Variants in FCSK observed in about 807,000 individuals in gnomAD.
The protein encoded by FCSK is L-fucose kinase.
A neutral mutation model predicts 122.5 loss-of-function variants in FCSK; 123 were observed. The ratio of observed to expected loss-of-function variants is 1.00; its 90% CI spans 0.87 to 1.17. FCSK has a LOEUF of 1.17. Among genes scored for constraint, FCSK ranks in the 50% most tolerant of loss-of-function variants. The probability of loss-of-function intolerance (pLI) is 0.00; values close to 1 mark genes in which losing one functional copy is unlikely to be tolerated. For synonymous variants in FCSK, 620 were observed against 625.5 expected (o/e 0.99, Z 0.13); for missense variants, 1,366 against 1,450.4 (o/e 0.94, Z 0.95).
intron 1 of FCSK, among the ~76,000 whole-genome samples, chr16:70,456,371 G>A (rs994120161): frequency 6.6e-6 from 1 of 152,196 alleles, no homozygotes; most frequent in Admixed American, 6.5e-5. Context: ...ACACTGATGT[G>A]CCTTTGCCAT....
chr16:70,459,138 G>C (rs1358842182), intron 1 of FCSK, among the ~76,000 whole-genome samples: 1 of 151,266 alleles, frequency 6.6e-6, no homozygotes, highest in Middle Eastern at 3.4e-3. Flanking sequence ...TAGCAGGATT[G>C]CTTGGGCCTG....
At chr16:70,459,266 C>T (rs1488269741) in intron 1 of FCSK, among the ~76,000 whole-genome samples, 3 of 151,282 alleles carry the variant, frequency 2.0e-5, no homozygotes, top group African/African-American at 4.9e-5. Flanking sequence ...AAAAAGAGGC[C>T]GGGCATGGTG....
intron 3 of FCSK, 98 bp downstream of exon 3, chr16:70,463,872 A>T (rs1597609234): frequency 4.6e-6 from 6 of 1,301,044 alleles, no homozygotes; most frequent in South Asian, 4.3e-5. Flanking sequence ...GCCTTGGCCA[A>T]CTCAGCATTG....
At chr16:70,470,517 C>G in intron 11 of FCSK, 91 bp downstream of exon 11, 1 of 797,626 alleles carries the variant, frequency 1.3e-6, no homozygotes, top group Non-Finnish European at 2.1e-6. Flanking sequence ...GCACTTGGAA[C>G]AGATGACCCG....
chr16:70,472,301 G>A (rs2048650645), intron 13 of FCSK, among the ~76,000 whole-genome samples: 1 of 152,180 alleles, frequency 6.6e-6, no homozygotes, highest in Admixed American at 6.5e-5. Context: ...TCCATGGCTG[G>A]GTGTAGTGGC....
At chr16:70,472,722 C>T in intron 14 of FCSK, 117 bp downstream of exon 14, 1 of 930,486 alleles carries the variant, frequency 1.1e-6, no homozygotes, top group Non-Finnish European at 1.6e-6. Flanking sequence ...CATCCAGGGG[C>T]CTGGGTGGTT....
At chr16:70,457,814 C>G (rs1321634774) in intron 1 of FCSK, 1 of 148,554 alleles carries the variant, frequency 6.7e-6, no homozygotes, top group African/African-American at 2.5e-5. Context: ...TCAGGCTGGT[C>G]TCAAACTCCT....
At chr16:70,463,004 G>A (rs550888497) in intron 1 of FCSK, among the ~76,000 whole-genome samples, 165 bp from the exon 2 acceptor site, 3 of 152,336 alleles carry the variant, frequency 2.0e-5, no homozygotes, top group East Asian at 1.9e-4. Flanking sequence ...TTGTCAGGGC[G>A]TAGGCGGGGA....
At chr16:70,475,210 C>T in intron 18 of FCSK, 140 bp from the exon 19 acceptor site, 4 of 1,087,626 alleles carry the variant, frequency 3.7e-6, no homozygotes, top group Non-Finnish European at 5.2e-6. Flanking sequence ...CCTTTTGTGG[C>T]TTGGGGATGG....
intron 18 of FCSK, 82 bp from the exon 19 acceptor site, chr16:70,475,268 T>G: frequency 6.6e-7 from 1 of 1,526,252 alleles, no homozygotes; most frequent in South Asian, 1.2e-5. Flanking sequence ...AGTCCCGCAC[T>G]GGGCTGGGAA....
At chr16:70,460,104 C>CTT (rs564125150) in intron 1 of FCSK, among the ~76,000 whole-genome samples, 3,794 of 126,390 alleles carry the variant, frequency 0.03, 265 homozygotes, top group African/African-American at 0.11. Flanking sequence ...CGTCTAGCCT[C>CTT]TTTTTTTTTT....
chr16:70,472,479 C>T (rs1040780950), intron 13 of FCSK, 62 bp from the exon 14 acceptor site: 13 of 1,373,462 alleles, frequency 9.5e-6, no homozygotes, highest in African/African-American at 5.8e-5. Flanking sequence ...GCCCCCTGGC[C>T]GAGTGTCTCT....
rs371941048 is a variant in FCSK, at chr16:70,467,323, C to T, written c.485-51C>T. 170 of 1,338,610 alleles carry T rather than the reference C, an allele frequency of 1.3e-4. No homozygotes were observed. In the African/African-American group the frequency reaches 1.9e-3, roughly 15 times the overall value. 82.9% of individuals were successfully genotyped at this position (1,338,610 alleles called of 1,614,324 possible). A position where few individuals can be genotyped will look rare whatever the true frequency, so the allele number is the denominator to read the frequency against. ...CTTGCTTCCACCTGGTGGGGAAATC[C>T]GTGCCTTGGGTGGAGGCCCCTGGGA... On this transcript the variant is annotated intron_variant, in intron 6 of 23. Coordinates refer to ENST00000288078, the MANE Select transcript of FCSK (RefSeq NM_145059.3).
chr16:70,462,851 G>T (rs1211547289), intron 1 of FCSK, among the ~76,000 whole-genome samples: 4 of 151,726 alleles, frequency 2.6e-5, no homozygotes, highest in Admixed American at 6.6e-5. Flanking sequence ...CACCATGTTG[G>T]CCAGGCTGGT....
intron 1 of FCSK, chr16:70,462,119 C>A (rs982585119): frequency 6.6e-6 from 1 of 152,210 alleles, no homozygotes; most frequent in African/African-American, 2.4e-5. Context: ...AAGCTAATCT[C>A]AAAAGATTAT....
At chr16:70,470,720 GC>G (rs2048585747) in intron 11 of FCSK, among the ~76,000 whole-genome samples, 1 of 152,190 alleles carries the variant, frequency 6.6e-6, no homozygotes, top group Non-Finnish European at 1.5e-5. Context: ...TCAGTGCCGT[GC>G]TGCTGAGGAA....
chr16:70,479,466 C>T, intron 23 of FCSK, 63 bp downstream of exon 23: 2 of 1,504,636 alleles, frequency 1.3e-6, no homozygotes, highest in Admixed American at 3.8e-5. Flanking sequence ...CTGTGGCCCA[C>T]CAGTTAACCA....
At chr16:70,477,952 T>C in intron 20 of FCSK, 1 of 277,268 alleles carries the variant, frequency 3.6e-6, no homozygotes. Flanking sequence ...CAAAGTGCTG[T>C]GATTACAGGC....
At position 70,474,894 on chromosome 16, in the gene FCSK, C is replaced by T. The variant is rs750892267; in HGVS notation, c.2260C>T (p.Arg754Cys). Residue 754 changes from arginine (R) to cysteine (C), a missense_variant, in exon 18 of 24, where the codon CGC (arginine) becomes TGC (cysteine). Coordinates refer to ENST00000288078, the MANE Select transcript of FCSK (RefSeq NM_145059.3). ...CCGGCCCATCGGAGCCAGGGCACGC[C>T]GCATCCCGGAGCCTGAGCTGTGGCT... is the stretch of plus-strand genomic sequence containing the variant. ...GRRPIGARARRIPEPELWLAV... is the reference protein window; with the variant it reads ...GRRPIGARARCIPEPELWLAV... The T allele has an allele frequency of 1.0e-4, 161 of 1,607,702 alleles. No homozygotes were observed. Among genetic ancestry groups the T allele is most frequent in the Admixed American group, 2.0e-4 (12 of 59,420 alleles).
Sources: allele counts gnomAD v4.1 joint callset (sites outside exome capture counted in the v4.1 genomes callset), GRCh38; gene constraint gnomAD v4.1.1; transcripts MANE v1.5; gene names NCBI Gene and HGNC (gene_info 2026-07-23, HGNC 2026-07-21).